Variants in TMEM132D observed in about 807,000 individuals in gnomAD.
TMEM132D encodes mature OL transmembrane protein.
In TMEM132D, 21 loss-of-function variants were observed where a neutral mutation model predicts 62.3. The observed-to-expected ratio is 0.34, with a 90% CI of 0.24 to 0.49. The LOEUF is 0.49. Among genes scored for constraint, TMEM132D ranks in the 20% least tolerant of loss-of-function variants. The pLI is 0.99. For missense variants in TMEM132D, 1,346 were observed against 1,402.8 expected, an observed-to-expected ratio of 0.96 and a Z score of 0.65; for synonymous variants, 621 against 575.6, an observed-to-expected ratio of 1.08 and a Z score of -1.13.
intron 2 of TMEM132D, among the ~76,000 whole-genome samples, chr12:129,545,631 T>C (rs1175924782): frequency 1.3e-5 from 2 of 152,160 alleles, no homozygotes; most frequent in Non-Finnish European, 2.9e-5. Context: ...TCCCACTCCC[T>C]GCCTCTGGCA....
intron 3 of TMEM132D, among the ~76,000 whole-genome samples, chr12:129,527,609 T>A (rs902796034): frequency 6.6e-6 from 1 of 152,174 alleles, no homozygotes; most frequent in African/African-American, 2.4e-5. Flanking sequence ...ATCATTTACA[T>A]ATCAACCGTG....
At position 129,880,832 on chromosome 12, in the gene TMEM132D, C is replaced by G. The variant is rs140746838; in HGVS notation, c.79+22429G>C. 4.6e-4 allele frequency among the ~76,000 whole-genome samples: 69 copies of G among 151,560 alleles called. No homozygotes were observed. In the East Asian group the frequency reaches 0.011, roughly 24 times the overall value. On this transcript the variant is annotated intron_variant, in intron 1 of 8. Coordinates refer to ENST00000422113, the MANE Select transcript of TMEM132D (RefSeq NM_133448.3). ...AGAAGGCCACAAAGAACAGATAGAACAAATAAAACATTGCTAGGAAGATTG... is the reference window on the plus strand; with the variant it reads ...AGAAGGCCACAAAGAACAGATAGAAGAAATAAAACATTGCTAGGAAGATTG...
chr12:129,296,727 C>A (rs1035544417), intron 4 of TMEM132D, among the ~76,000 whole-genome samples: 1 of 152,166 alleles, frequency 6.6e-6, no homozygotes. Context: ...GAAAACAGAG[C>A]CTGAAGCCAG....
chr12:129,119,157 T>C (rs1875985878), intron 5 of TMEM132D, among the ~76,000 whole-genome samples: 2 of 152,192 alleles, frequency 1.3e-5, no homozygotes, highest in Non-Finnish European at 2.9e-5. Flanking sequence ...GCTTATAAAG[T>C]CAAAACTTGG....
intron 4 of TMEM132D, among the ~76,000 whole-genome samples, chr12:129,216,502 C>T (rs2135571028): frequency 6.6e-6 from 1 of 152,232 alleles, no homozygotes; most frequent in South Asian, 2.1e-4. Context: ...GGTGATCCAT[C>T]CGTAAGCTGA....
chr12:129,860,531 C>T (rs1256298660), intron 1 of TMEM132D, among the ~76,000 whole-genome samples: 1 of 152,210 alleles, frequency 6.6e-6, no homozygotes, highest in Middle Eastern at 3.2e-3. Context: ...TTAAAGCGTT[C>T]TTTTTCCCTG....
intron 5 of TMEM132D, among the ~76,000 whole-genome samples, chr12:129,094,399 A>G (rs1286872176): frequency 6.6e-6 from 1 of 152,220 alleles, no homozygotes; most frequent in Non-Finnish European, 1.5e-5. Context: ...CTCAGAAGAA[A>G]ACATTTATGC....
intron 3 of TMEM132D, among the ~76,000 whole-genome samples, chr12:129,360,677 C>T (rs1372902136): frequency 6.6e-6 from 1 of 152,078 alleles, no homozygotes; most frequent in Non-Finnish European, 1.5e-5. Context: ...GGGTTTGCAG[C>T]GGGAATGCTC....
intron 2 of TMEM132D, among the ~76,000 whole-genome samples, chr12:129,591,680 AAG>A (rs1878195282): frequency 6.6e-6 from 1 of 152,060 alleles, no homozygotes; most frequent in African/African-American, 2.4e-5. Flanking sequence ...TAAAGAAAGA[AAG>A]AGAAAAAAGA....
intron 3 of TMEM132D, among the ~76,000 whole-genome samples, chr12:129,517,419 T>C (rs1246638815): frequency 6.6e-6 from 1 of 152,158 alleles, no homozygotes; most frequent in African/African-American, 2.4e-5. Context: ...GTAGATATAA[T>C]ACTTCAACGA....
chr12:129,692,614 T>C (rs1016921025), intron 2 of TMEM132D, among the ~76,000 whole-genome samples: 1 of 152,156 alleles, frequency 6.6e-6, no homozygotes, highest in Non-Finnish European at 1.5e-5. Flanking sequence ...CCATCAATGA[T>C]AGACTGGATA....
intron 3 of TMEM132D, among the ~76,000 whole-genome samples, chr12:129,437,746 T>A (rs1402677259): frequency 1.3e-5 from 2 of 152,140 alleles, no homozygotes; most frequent in African/African-American, 4.8e-5. Flanking sequence ...TTTTTTTCTT[T>A]TTTTAAATTA....
intron 2 of TMEM132D, among the ~76,000 whole-genome samples, chr12:129,542,485 A>C (rs1876609710): frequency 6.6e-6 from 1 of 152,184 alleles, no homozygotes; most frequent in African/African-American, 2.4e-5. Flanking sequence ...TTTTTCATTG[A>C]AAAATGGTAT....
intron 4 of TMEM132D, among the ~76,000 whole-genome samples, chr12:129,253,806 C>A (rs1880331488): frequency 6.6e-6 from 1 of 152,140 alleles, no homozygotes; most frequent in Non-Finnish European, 1.5e-5. Flanking sequence ...GATGCACTTC[C>A]AGGGGAGACT....
intron 2 of TMEM132D, among the ~76,000 whole-genome samples, chr12:129,648,598 C>T (rs369623453): frequency 2.6e-4 from 39 of 152,336 alleles, no homozygotes; most frequent in Non-Finnish European, 4.0e-4. Flanking sequence ...ACATACATTG[C>T]ACATAGCCCG....
chr12:129,724,000 G>A (rs765477485), intron 1 of TMEM132D, among the ~76,000 whole-genome samples: 8 of 152,172 alleles, frequency 5.3e-5, no homozygotes, highest in African/African-American at 7.2e-5. Flanking sequence ...ATGTCAAGAC[G>A]GGGGAGATTA....
At chr12:129,103,319 C>T (rs1354100345) in intron 5 of TMEM132D, among the ~76,000 whole-genome samples, 1 of 152,194 alleles carries the variant, frequency 6.6e-6, no homozygotes, top group Non-Finnish European at 1.5e-5. Flanking sequence ...ATCCAGTTCA[C>T]AGTGTCTCCA....
At chr12:129,612,179 G>C (rs937553143) in intron 2 of TMEM132D, among the ~76,000 whole-genome samples, 1 of 152,140 alleles carries the variant, frequency 6.6e-6, no homozygotes, top group African/African-American at 2.4e-5. Context: ...GACGGGCCCT[G>C]TAAGTTCTCC....
At chr12:129,408,547 A>T (rs948085412) in intron 3 of TMEM132D, among the ~76,000 whole-genome samples, 12 of 151,864 alleles carry the variant, frequency 7.9e-5, no homozygotes, top group Admixed American at 6.6e-5. Flanking sequence ...GTTTTCAAAA[A>T]GTTTTTCTTG....
Sources: gnomAD v4.1 joint callset for allele counts (sites outside exome capture counted in the v4.1 genomes callset) on GRCh38, gnomAD v4.1.1 for gene constraint, MANE v1.5 for transcripts, NCBI Gene and HGNC (gene_info 2026-07-23, HGNC 2026-07-21) for gene names.